CCDC178: variants seen among roughly 807,000 people sequenced by gnomAD.
CCDC178 encodes coiled-coil domain containing 178, also known as coiled-coil domain-containing protein 178.
A neutral mutation model predicts 117.4 loss-of-function variants in CCDC178; 126 were observed. The ratio of observed to expected loss-of-function variants is 1.07; its 90% confidence interval spans 0.93 to 1.24. The LOEUF (loss-of-function observed/expected upper bound fraction) is 1.24. Among genes scored for constraint, CCDC178 ranks in the 50% most tolerant of loss-of-function variants. The pLI is 0.00. For missense variants in CCDC178, 1,030 were observed against 986.9 expected (o/e 1.04, Z -0.59); for synonymous variants, 283 against 313.4 (o/e 0.90, Z 1.02).
At chr18:32,994,566 AG>A (rs751294414) in intron 21 of CCDC178, among the ~76,000 whole-genome samples, 2 of 152,226 alleles carry the variant, frequency 1.3e-5, no homozygotes, top group African/African-American at 4.8e-5. Context: ...TGAAATTCAA[AG>A]GGAAAATAGA....
At chr18:33,379,410 T>C (rs2063411522) in intron 5 of CCDC178, among the ~76,000 whole-genome samples, 1 of 151,976 alleles carries the variant, frequency 6.6e-6, no homozygotes, top group Non-Finnish European at 1.5e-5. Flanking sequence ...CCAACGTTGC[T>C]GGGTATACAC....
At chr18:33,313,724 T>C (rs1254287390) in intron 11 of CCDC178, among the ~76,000 whole-genome samples, 2 of 152,102 alleles carry the variant, frequency 1.3e-5, no homozygotes, top group Non-Finnish European at 1.5e-5. Context: ...ATAACCTTAA[T>C]ACCCACCCTG....
At chr18:33,250,619 T>C (rs1332212375) in intron 14 of CCDC178, among the ~76,000 whole-genome samples, 7 of 151,768 alleles carry the variant, frequency 4.6e-5, no homozygotes, top group African/African-American at 1.2e-4. Flanking sequence ...TCTCTGACTA[T>C]GTATTTTCAA....
At chr18:33,254,743 A>G (rs921630196) in intron 14 of CCDC178, among the ~76,000 whole-genome samples, 6 of 152,054 alleles carry the variant, frequency 3.9e-5, no homozygotes, top group African/African-American at 1.4e-4. Flanking sequence ...GAGCAGATGG[A>G]AGGAGAAGGA....
intron 20 of CCDC178, among the ~76,000 whole-genome samples, chr18:33,155,474 T>A (rs1270577928): frequency 6.6e-6 from 1 of 152,036 alleles, no homozygotes; most frequent in Non-Finnish European, 1.5e-5. Flanking sequence ...TAACTGAAAG[T>A]AAGTAGAATT....
At chr18:33,014,928 T>A (rs539019245) in intron 21 of CCDC178, among the ~76,000 whole-genome samples, 1 of 152,202 alleles carries the variant, frequency 6.6e-6, no homozygotes, top group Non-Finnish European at 1.5e-5. Context: ...TGTCTAGTTT[T>A]GAGCAACAAT....
intron 10 of CCDC178, among the ~76,000 whole-genome samples, chr18:33,329,406 T>C (rs1261839787): frequency 6.6e-6 from 1 of 152,180 alleles, no homozygotes; most frequent in Non-Finnish European, 1.5e-5. Flanking sequence ...TCACCATTAT[T>C]TTCAGTATTA....
At chr18:33,039,066 A>G (rs2056498113) in intron 21 of CCDC178, among the ~76,000 whole-genome samples, 1 of 152,090 alleles carries the variant, frequency 6.6e-6, no homozygotes, top group Non-Finnish European at 1.5e-5. Context: ...CCAACAACAA[A>G]AATGACCAGT....
At chr18:33,345,878 A>C (rs567628928) in intron 9 of CCDC178, among the ~76,000 whole-genome samples, 10 of 152,228 alleles carry the variant, frequency 6.6e-5, no homozygotes, top group African/African-American at 1.4e-4. Flanking sequence ...TTGAGACAGG[A>C]TCTCACTCTA....
chr18:33,286,424 T>G (rs2144848156), intron 12 of CCDC178, among the ~76,000 whole-genome samples: 1 of 152,314 alleles, frequency 6.6e-6, no homozygotes, highest in Non-Finnish European at 1.5e-5. Flanking sequence ...TGTTAGAAAA[T>G]CACTCAGCTT....
chr18:33,194,933 G>GGA (rs1318138694), intron 20 of CCDC178, among the ~76,000 whole-genome samples: 3 of 137,502 alleles, frequency 2.2e-5, no homozygotes, highest in Admixed American at 7.1e-5. Context: ...AGAGAGAGAG[G>GGA]GAGAGAGAGA....
intron 5 of CCDC178, 80 bp from the exon 6 acceptor site, chr18:33,370,269 CT>C: frequency 9.5e-7 from 1 of 1,051,256 alleles, no homozygotes; most frequent in Non-Finnish European, 1.3e-6. Flanking sequence ...CAAAAAAATT[CT>C]GCTTTATTAG....
intron 5 of CCDC178, among the ~76,000 whole-genome samples, chr18:33,386,404 C>T (rs887186026): frequency 1.3e-5 from 2 of 151,320 alleles, no homozygotes; most frequent in African/African-American, 4.8e-5. Flanking sequence ...GATACAACAA[C>T]AAAAACAACA....
intron 3 of CCDC178, among the ~76,000 whole-genome samples, chr18:33,400,627 T>C (rs916467760): frequency 6.6e-6 from 1 of 152,198 alleles, no homozygotes; most frequent in Non-Finnish European, 1.5e-5. Context: ...TAGAACTGAA[T>C]AGAGTTAGGG....
chr18:32,986,885 GTTAAA>G (rs2055275432), intron 21 of CCDC178, among the ~76,000 whole-genome samples: 3 of 151,980 alleles, frequency 2.0e-5, no homozygotes, highest in Admixed American at 6.6e-5. Flanking sequence ...TTGCATGATA[GTTAAA>G]ATATGTGCTG....
intron 12 of CCDC178, among the ~76,000 whole-genome samples, chr18:33,273,051 AT>A (rs1408244042): frequency 1.1e-4 from 16 of 150,638 alleles, no homozygotes; most frequent in East Asian, 2.0e-4. Flanking sequence ...CAAAAAAAAA[AT>A]AAAAATAAAA....
intron 10 of CCDC178, among the ~76,000 whole-genome samples, chr18:33,327,424 TTTTTG>T (rs1188112558): frequency 6.6e-6 from 1 of 152,196 alleles, no homozygotes; most frequent in East Asian, 1.9e-4. Flanking sequence ...TTTGCTTTTC[TTTTTG>T]TTTTTTTAGT....
chr18:33,347,702 T>G (rs1264620881), intron 8 of CCDC178, among the ~76,000 whole-genome samples: 1 of 152,004 alleles, frequency 6.6e-6, no homozygotes, highest in African/African-American at 2.4e-5. Flanking sequence ...ATACCACTTA[T>G]AATTAAAATA....
At chr18:33,003,891 A>G (rs1346612122) in intron 21 of CCDC178, among the ~76,000 whole-genome samples, 1 of 152,160 alleles carries the variant, frequency 6.6e-6, no homozygotes, top group Admixed American at 6.5e-5. Context: ...AATAGTGAAC[A>G]ATCTAGAAAA....
Sources: gnomAD v4.1 joint callset for allele counts (sites outside exome capture counted in the v4.1 genomes callset) on GRCh38, gnomAD v4.1.1 for gene constraint, MANE v1.5 for transcripts, NCBI Gene and HGNC (gene_info 2026-07-23, HGNC 2026-07-21) for gene names.